KCNH1: variants seen among roughly 807,000 people sequenced by gnomAD.
KCNH1 encodes potassium voltage-gated channel subfamily H member 1.
A neutral mutation model predicts 69.2 loss-of-function variants in KCNH1; 27 were observed. The ratio of observed to expected loss-of-function variants is 0.39; its 90% confidence interval spans 0.29 to 0.54. The LOEUF is 0.54. Among genes scored for constraint, KCNH1 ranks in the 20% least tolerant of loss-of-function variants. The pLI, the probability that KCNH1 is intolerant of heterozygous loss-of-function variation, is 0.68. For missense variants in KCNH1, 798 were observed against 1,261.6 expected (o/e 0.63, Z 5.57); for synonymous variants, 456 against 487.7 (o/e 0.93, Z 0.86).
intron 6 of KCNH1, among the ~76,000 whole-genome samples, chr1:211,006,810 A>G (rs1307824465): frequency 6.6e-6 from 1 of 152,210 alleles, no homozygotes; most frequent in Non-Finnish European, 1.5e-5. Context: ...GAACTACTGT[A>G]TAATCATTTA....
intron 10 of KCNH1, among the ~76,000 whole-genome samples, chr1:210,753,424 C>CT (rs947753541): frequency 9.2e-5 from 14 of 152,348 alleles, no homozygotes; most frequent in African/African-American, 3.4e-4. Flanking sequence ...TCAGATGCCA[C>CT]TGACAGCCTA....
intron 1 of KCNH1, among the ~76,000 whole-genome samples, chr1:211,115,450 A>G (rs562016674): frequency 1.0e-3 from 159 of 152,048 alleles, no homozygotes; most frequent in Non-Finnish European, 2.0e-3. Flanking sequence ...AGGCAGACCC[A>G]CCCTTAATCT....
chr1:211,114,001 CACAT>C (rs879778901), intron 1 of KCNH1, among the ~76,000 whole-genome samples: 5,852 of 149,126 alleles, frequency 0.039, 152 homozygotes, highest in Middle Eastern at 0.083. Context: ...CACACACACA[CACAT>C]ACACACACAC....
chr1:210,941,880 C>A (rs935621266), intron 6 of KCNH1, among the ~76,000 whole-genome samples: 5 of 152,152 alleles, frequency 3.3e-5, no homozygotes, highest in Non-Finnish European at 7.4e-5. Flanking sequence ...ATGGTTTTGA[C>A]TCTGTCCTAT....
chr1:210,742,004 A>C (rs2149037481), intron 10 of KCNH1, among the ~76,000 whole-genome samples: 1 of 152,296 alleles, frequency 6.6e-6, no homozygotes, highest in Middle Eastern at 3.4e-3. Flanking sequence ...TCTCATAACT[A>C]TTGGAAGGAA....
At chr1:210,999,546 C>G (rs988588345) in intron 6 of KCNH1, among the ~76,000 whole-genome samples, 6 of 152,050 alleles carry the variant, frequency 3.9e-5, no homozygotes, top group Non-Finnish European at 7.4e-5. Flanking sequence ...AAAAAAAGTC[C>G]AGGACCAGAT....
chr1:210,965,822 GATTCA>G (rs1310584479), intron 6 of KCNH1, among the ~76,000 whole-genome samples: 1 of 152,006 alleles, frequency 6.6e-6, no homozygotes, highest in Non-Finnish European at 1.5e-5. Flanking sequence ...GTAATTGATA[GATTCA>G]ATGCTATCCC....
chr1:211,078,154 C>T (rs1043802827), intron 5 of KCNH1, among the ~76,000 whole-genome samples: 9 of 152,124 alleles, frequency 5.9e-5, no homozygotes, highest in African/African-American at 2.2e-4. Context: ...ACTTAGACTC[C>T]AACCCAGTAA....
chr1:211,082,704 C>G, intron 5 of KCNH1, 76 bp downstream of exon 5: 1 of 1,136,912 alleles, frequency 8.8e-7, no homozygotes, highest in Non-Finnish European at 1.3e-6. Context: ...GATTAGCACA[C>G]TAGTTTTGTG....
intron 3 of KCNH1, among the ~76,000 whole-genome samples, chr1:211,091,307 G>A (rs776910522): frequency 6.6e-6 from 1 of 151,886 alleles, no homozygotes; most frequent in African/African-American, 2.4e-5. Flanking sequence ...TCAGCCTCCC[G>A]AGGTAGCTGG....
At chr1:210,837,105 T>C (rs1685299218) in intron 7 of KCNH1, among the ~76,000 whole-genome samples, 1 of 152,190 alleles carries the variant, frequency 6.6e-6, no homozygotes, top group African/African-American at 2.4e-5. Context: ...GGGGCCTTCC[T>C]CAAAGGCTCC....
At chr1:211,031,572 G>A (rs1457647755) in intron 5 of KCNH1, among the ~76,000 whole-genome samples, 1 of 152,032 alleles carries the variant, frequency 6.6e-6, no homozygotes, top group Non-Finnish European at 1.5e-5. Context: ...ATGATCAAGT[G>A]GGCTTCATCC....
chr1:210,820,627 C>G (rs1553348038), intron 7 of KCNH1, among the ~76,000 whole-genome samples: 2 of 152,090 alleles, frequency 1.3e-5, no homozygotes, highest in Non-Finnish European at 2.9e-5. Flanking sequence ...GAGAGAGACT[C>G]TGTCTCAAAA....
intron 7 of KCNH1, among the ~76,000 whole-genome samples, chr1:210,830,472 C>T (rs1317681973): frequency 6.6e-6 from 1 of 152,088 alleles, no homozygotes; most frequent in Non-Finnish European, 1.5e-5. Flanking sequence ...TGGAAGACCT[C>T]AATAAGACAC....
intron 10 of KCNH1, among the ~76,000 whole-genome samples, chr1:210,759,215 C>T (rs1479469942): frequency 6.8e-6 from 1 of 147,556 alleles, no homozygotes; most frequent in Non-Finnish European, 1.5e-5. Flanking sequence ...CTGGCTCTCT[C>T]AGGTGAGAGG....
intron 8 of KCNH1, among the ~76,000 whole-genome samples, chr1:210,803,382 A>G (rs1260842341): frequency 6.6e-6 from 1 of 152,158 alleles, no homozygotes; most frequent in Non-Finnish European, 1.5e-5. Flanking sequence ...GATTACAGGC[A>G]TGAGCCGCTG....
At chr1:210,858,633 AT>A (rs1357832456) in intron 7 of KCNH1, 1 of 154,572 alleles carries the variant, frequency 6.5e-6, no homozygotes, top group African/African-American at 2.4e-5. Flanking sequence ...ACAATGAAGA[AT>A]AAAAATGATG....
intron 9 of KCNH1, among the ~76,000 whole-genome samples, chr1:210,780,000 A>G (rs1683945632): frequency 6.6e-6 from 1 of 152,196 alleles, no homozygotes; most frequent in Non-Finnish European, 1.5e-5. Flanking sequence ...CCCTGCAGGC[A>G]ATTTGGTTAA....
chr1:211,006,030 C>G (rs1350071693), intron 6 of KCNH1, among the ~76,000 whole-genome samples: 2 of 152,070 alleles, frequency 1.3e-5, no homozygotes, highest in African/African-American at 4.8e-5. Flanking sequence ...AAATATATAT[C>G]AAAACTAGAA....
Sources: allele counts gnomAD v4.1 joint callset (sites outside exome capture counted in the v4.1 genomes callset), GRCh38; gene constraint gnomAD v4.1.1; transcripts MANE v1.5; gene names NCBI Gene and HGNC (gene_info 2026-07-23, HGNC 2026-07-21).